The following OTOGL variants were observed in gnomAD, a reference collection of about 807,000 sequenced individuals.
OTOGL encodes otogelin-like protein.
A neutral mutation model predicts 318.5 loss-of-function variants in OTOGL; 285 were observed. The observed-to-expected ratio is 0.89, with a 90% CI of 0.81 to 0.99. The LOEUF (loss-of-function observed/expected upper bound fraction) is 0.99. OTOGL is among the 50% of genes least tolerant of loss of function. The pLI, the probability that OTOGL is intolerant of heterozygous loss-of-function variation, is 0.00. For missense variants in OTOGL, 2,899 were observed against 2,845.6 expected (o/e 1.02, Z -0.43); for synonymous variants, 987 against 936.5 (o/e 1.05, Z -0.99).
At chr12:80,174,817 T>C (rs184431675) in intron 1 of OTOGL, among the ~76,000 whole-genome samples, 478 of 152,278 alleles carry the variant, frequency 3.1e-3, no homozygotes, top group African/African-American at 0.011. Flanking sequence ...AGAATATTCC[T>C]TGAAGGTGTG....
chr12:80,154,708 G>A lies in OTOGL; in HGVS notation c.-19-54705G>A, dbSNP rs533113208. ...TCACCTACTGAAGGATATCTTAATTGCTTCCAGGTTTTGGCAAAAATAAAG... is the reference window on the plus strand; with the variant it reads ...TCACCTACTGAAGGATATCTTAATTACTTCCAGGTTTTGGCAAAAATAAAG... On this transcript the variant is annotated intron_variant, in intron 1 of 58. Coordinates refer to ENST00000547103, the MANE Select transcript of OTOGL (RefSeq NM_001378609.3). Among the ~76,000 whole-genome samples, 15 of 152,244 alleles carry A rather than the reference G, an allele frequency of 9.9e-5. 1 individual carries two copies. In the East Asian group the frequency reaches 2.9e-3, roughly 29 times the overall value.
chr12:80,142,497 C>G (rs1310599819), intron 1 of OTOGL, among the ~76,000 whole-genome samples: 1 of 152,164 alleles, frequency 6.6e-6, no homozygotes, highest in Non-Finnish European at 1.5e-5. Context: ...CCCATTTTCT[C>G]TATATCTTCA....
chr12:80,331,136 C>T (rs1244319602), intron 37 of OTOGL, among the ~76,000 whole-genome samples: 1 of 152,044 alleles, frequency 6.6e-6, no homozygotes, highest in Admixed American at 6.6e-5. Flanking sequence ...GTACAAGGAA[C>T]CTAGAATAGC....
intron 1 of OTOGL, among the ~76,000 whole-genome samples, chr12:80,144,803 C>T (rs1169466983): frequency 6.6e-6 from 1 of 152,214 alleles, no homozygotes; most frequent in Admixed American, 6.5e-5. Context: ...TCTCTGATGG[C>T]CAGTGATGAT....
chr12:80,100,179 C>T (rs1869052823), intron 1 of OTOGL, among the ~76,000 whole-genome samples: 1 of 152,142 alleles, frequency 6.6e-6, no homozygotes, highest in African/African-American at 2.4e-5. Flanking sequence ...CTCAAGAACT[C>T]AGGACTTTCA....
intron 52 of OTOGL, 39 bp downstream of exon 52, chr12:80,358,939 T>G (rs1277714672): frequency 2.2e-6 from 3 of 1,384,106 alleles, no homozygotes; most frequent in Admixed American, 2.3e-5. Context: ...CATATTTATT[T>G]AAATCTGTTT....
At chr12:80,316,855 A>G (rs1332822999) in intron 32 of OTOGL, among the ~76,000 whole-genome samples, 1 of 152,174 alleles carries the variant, frequency 6.6e-6, no homozygotes, top group African/African-American at 2.4e-5. Flanking sequence ...AAATTTACCT[A>G]GTCCTTTTTG....
chr12:80,270,260 T>A, intron 23 of OTOGL, 106 bp downstream of exon 23: 2 of 889,568 alleles, frequency 2.2e-6, no homozygotes, highest in Non-Finnish European at 3.5e-6. Flanking sequence ...TGCATGGCTA[T>A]AGCCTTGGGA....
intron 1 of OTOGL, among the ~76,000 whole-genome samples, chr12:80,166,433 G>A (rs1873836307): frequency 6.6e-6 from 1 of 152,032 alleles, no homozygotes; most frequent in Non-Finnish European, 1.5e-5. Context: ...CAAAGATGTA[G>A]CTCTTTTTGC....
chr12:80,236,741 G>A (rs1879881651), intron 9 of OTOGL, among the ~76,000 whole-genome samples: 1 of 151,798 alleles, frequency 6.6e-6, no homozygotes, highest in East Asian at 1.9e-4. Context: ...AGACAAAGCA[G>A]CAGGCCAGAC....
intron 30 of OTOGL, among the ~76,000 whole-genome samples, chr12:80,312,277 G>A (rs969843306): frequency 6.6e-5 from 10 of 152,090 alleles, no homozygotes; most frequent in South Asian, 2.1e-4. Context: ...ACGATAGACC[G>A]GATGAAGAAG....
At chr12:80,113,594 T>C (rs1478240325) in intron 1 of OTOGL, among the ~76,000 whole-genome samples, 3 of 152,084 alleles carry the variant, frequency 2.0e-5, no homozygotes, top group African/African-American at 7.3e-5. Flanking sequence ...AGTTCTAATT[T>C]GATTGCACTG....
chr12:80,228,687 CTCTTTTCTTCCTTTCT>C (rs1414587100), intron 7 of OTOGL, among the ~76,000 whole-genome samples: 7 of 152,082 alleles, frequency 4.6e-5, no homozygotes, highest in Admixed American at 6.6e-5. Context: ...GCTTCCTCTT[CTCTTTTCTTCCTTTCT>C]TCTTTTCTTC....
intron 2 of OTOGL, among the ~76,000 whole-genome samples, chr12:80,210,547 A>G (rs922846454): frequency 6.6e-6 from 1 of 152,094 alleles, no homozygotes; most frequent in Non-Finnish European, 1.5e-5. Flanking sequence ...TAAGCTTGGC[A>G]TATAGTAAGT....
At chr12:80,292,567 C>A (rs989955877) in intron 26 of OTOGL, among the ~76,000 whole-genome samples, 4 of 152,164 alleles carry the variant, frequency 2.6e-5, no homozygotes, top group African/African-American at 9.7e-5. Flanking sequence ...CTTAAGGAAG[C>A]AAGTTGTGGA....
chr12:80,222,307 A>T, intron 7 of OTOGL, 62 bp downstream of exon 7: 1 of 1,412,894 alleles, frequency 7.1e-7, no homozygotes, highest in Admixed American at 2.4e-5. Flanking sequence ...ATGTATTTTT[A>T]AAGTACTGGG....
chr12:80,249,311 C>T (rs1246896708), intron 11 of OTOGL, among the ~76,000 whole-genome samples: 1 of 151,342 alleles, frequency 6.6e-6, no homozygotes, highest in Non-Finnish European at 1.5e-5. Context: ...TACTTTTGGT[C>T]TTTGATGATG....
At chr12:80,258,044 T>G (rs1403274994) in intron 18 of OTOGL, 42 bp downstream of exon 18, 1 of 1,463,904 alleles carries the variant, frequency 6.8e-7, no homozygotes, top group Non-Finnish European at 9.0e-7. Flanking sequence ...TAATGACTGG[T>G]CATTTAAAGG....
rs182466630 is a variant in OTOGL at position 80,357,875 on chromosome 12, C to A, written c.6020-373C>A. ...AAGGTGGGACGGCATGTTGAAGCAG[C>A]CCAAAAGAACAAACGCCTACTACAT... On this transcript the variant is annotated intron_variant, in intron 49 of 58. Coordinates refer to ENST00000547103, the MANE Select transcript of OTOGL (RefSeq NM_001378609.3). Among the ~76,000 whole-genome samples the A allele has an allele frequency of 9.6e-4, 146 of 152,142 alleles. 1 individual carries two copies. The highest frequency in any genetic ancestry group is 3.3e-3 in the Admixed American group (50 of 15,274).
Sources: gnomAD v4.1 joint callset for allele counts (sites outside exome capture counted in the v4.1 genomes callset) on GRCh38, gnomAD v4.1.1 for gene constraint, MANE v1.5 for transcripts, NCBI Gene and HGNC (gene_info 2026-07-23, HGNC 2026-07-21) for gene names.